Variants in RFX7 observed in about 807,000 individuals in gnomAD.
RFX7 encodes the protein regulatory factor X7.
A neutral mutation model predicts 111.8 loss-of-function variants in RFX7; 26 were observed. The observed-to-expected ratio is 0.23, with a 90% CI of 0.17 to 0.32. RFX7 has a LOEUF of 0.32. RFX7 is among the 10% of genes least tolerant of loss of function. RFX7 has a pLI of 1.00. For synonymous variants in RFX7, 624 were observed against 624.4 expected (o/e 1.00, Z 0.01); for missense variants, 1,573 against 1,772.9 (o/e 0.89, Z 2.02).
At chr15:56,110,439 C>T (rs2041909933) in intron 5 of RFX7, among the ~76,000 whole-genome samples, 1 of 135,748 alleles carries the variant, frequency 7.4e-6, no homozygotes, top group Admixed American at 7.2e-5. Context: ...CCCGCCCGGC[C>T]AGCCGCCCCA....
At chr15:56,186,826 T>A (rs1308161061) in intron 2 of RFX7, among the ~76,000 whole-genome samples, 21 of 152,176 alleles carry the variant, frequency 1.4e-4, no homozygotes, top group African/African-American at 4.8e-4. Context: ...TTTCCCATAT[T>A]CTCTCCTGTA....
chr15:56,093,934 A>C lies in RFX7; in HGVS notation c.3794T>G (p.Val1265Gly). ...CAGGTTGTTCATTCCCAAACCTCTCACTGCATCATCATTGTCGGAATCAAG... is the reference window on the plus strand; with the variant it reads ...CAGGTTGTTCATTCCCAAACCTCTCCCTGCATCATCATTGTCGGAATCAAG... ...SKLDSDNDDA[V>G]RGLGMNNLPS... Residue 1265 changes from valine (V) to glycine (G), a missense_variant, in exon 10 of 10, where the codon GTG (valine) becomes GGG (glycine). Physicochemically the swap from Val to Gly is moderately radical, Grantham distance 109. Transcript: ENST00000559447. The C allele has an allele frequency of 6.2e-7, 1 of 1,614,016 alleles. No homozygotes were observed.
At chr15:56,162,625 G>A (rs2042734086) in intron 3 of RFX7, among the ~76,000 whole-genome samples, 2 of 149,800 alleles carry the variant, frequency 1.3e-5, no homozygotes, top group South Asian at 4.3e-4. Context: ...TAGTCCACTC[G>A]AGTCCCTAAC....
At chr15:56,121,307 A>G (rs1189272961) in intron 5 of RFX7, among the ~76,000 whole-genome samples, 1 of 151,980 alleles carries the variant, frequency 6.6e-6, no homozygotes, top group African/African-American at 2.4e-5. Context: ...ATGTCATGTC[A>G]CTCTCTCCTG....
chr15:56,114,547 G>GT (rs1236160793), intron 5 of RFX7, among the ~76,000 whole-genome samples: 1 of 150,126 alleles, frequency 6.7e-6, no homozygotes. Context: ...AACAATGATA[G>GT]TAGTACTAGT....
chr15:56,096,213 T>C lies in RFX7; in HGVS notation c.1515A>G (p.Ser505=). 1.2e-6 allele frequency: 2 copies of C among 1,613,972 alleles called. No homozygotes were observed. The highest frequency in any genetic ancestry group is 1.7e-6 in the Non-Finnish European group (2 of 1,179,862). The change falls in exon 10 of 10, where the codon TCA becomes TCG. Residue 505 remains serine, a synonymous_variant. Coordinates refer to ENST00000559447, the MANE Select transcript of RFX7 (RefSeq NM_022841.7). ...CATTCTTGATCTGTGGAACACTCCT[T>C]GATTCTTCTGTTGTTCCTGTAGCAC... ...VSSATGTTEE[S]RSVPQIKNGS...
At chr15:56,137,893 A>C (rs1324110644) in intron 5 of RFX7, among the ~76,000 whole-genome samples, 7 of 152,110 alleles carry the variant, frequency 4.6e-5, no homozygotes, top group Admixed American at 2.6e-4. Context: ...ATTCAGGAGC[A>C]GGTTGTTCAG....
At chr15:56,243,971 A>C (rs866915625), upstream of RFX7, 4 of 149,694 alleles carry the variant, frequency 2.7e-5, no homozygotes, top group Middle Eastern at 6.8e-3. Flanking sequence ...ACGGGCCGGG[A>C]TGGGGGCGCA....
chr15:56,225,296 C>G (rs921777868), intron 2 of RFX7, among the ~76,000 whole-genome samples: 7 of 152,142 alleles, frequency 4.6e-5, no homozygotes, highest in Non-Finnish European at 1.0e-4. Flanking sequence ...CACTGTACAA[C>G]TGACATCCCA....
rs547178853 is a variant in RFX7, at chr15:56,226,237, A to C, written c.161+16888T>G. Among the ~76,000 whole-genome samples the C allele has an allele frequency of 1.8e-3, 267 of 152,280 alleles. 2 individuals are homozygous for C. Among genetic ancestry groups the C allele is most frequent in the African/African-American group, 5.4e-3 (224 of 41,572 alleles). On this transcript the variant is annotated intron_variant, in intron 2 of 9. Transcript: ENST00000559447. ...AATGTAATCCATATTTATTAAACACAAGCTTTAAAGGAGATGTAATAATAC... is the reference window on the plus strand; with the variant it reads ...AATGTAATCCATATTTATTAAACACCAGCTTTAAAGGAGATGTAATAATAC...
chr15:56,192,083 G>C (rs2043105838), intron 2 of RFX7, among the ~76,000 whole-genome samples: 1 of 152,138 alleles, frequency 6.6e-6, no homozygotes, highest in African/African-American at 2.4e-5. Flanking sequence ...GACAGCATTT[G>C]TTCCAAAGCA....
Position 56,101,281 on chromosome 15 carries a change from C to G in RFX7, c.811+78G>C, listed in dbSNP as rs1326868359. On this transcript the variant is annotated intron_variant, in intron 8 of 9. Coordinates refer to ENST00000559447, the MANE Select transcript of RFX7 (RefSeq NM_022841.7). ...TACTAAAAGGATGAAGTTCTTTGAT[C>G]TAACTCTTCTTTTGCTACCAATTCT... 3 of 1,218,448 alleles carry G rather than the reference C, an allele frequency of 2.5e-6. No individual in the cohort carries two copies. In the Admixed American group the frequency reaches 6.1e-5, roughly 25 times the overall value. 75.5% of individuals were successfully genotyped at this position (1,218,448 alleles called of 1,614,324 possible). A position where few individuals can be genotyped will look rare whatever the true frequency, so the allele number is the denominator to read the frequency against.
At chr15:56,183,025 T>A (rs1319712823) in intron 2 of RFX7, among the ~76,000 whole-genome samples, 1 of 152,124 alleles carries the variant, frequency 6.6e-6, no homozygotes, top group African/African-American at 2.4e-5. Context: ...AGGTAATACA[T>A]ATATACTAAA....
rs1431101158 is a variant in RFX7, at chr15:56,138,596, G to C, written c.401+4182C>G. 2.6e-5 allele frequency among the ~76,000 whole-genome samples: 4 copies of C among 151,770 alleles called. No homozygotes were observed. The East Asian group carries it at 5.8e-4, about 22-fold the overall frequency. On this transcript the variant is annotated intron_variant, in intron 5 of 9. Transcript: ENST00000559447. ...TTTGCCAGTCTGTGTCTTTTAATTG[G>C]AGCATTTAGCCCATTTACATTTAAA...
chr15:56,103,507 A>G, intron 6 of RFX7, 47 bp downstream of exon 6: 1 of 1,191,370 alleles, frequency 8.4e-7, no homozygotes, highest in Non-Finnish European at 1.2e-6. Context: ...GTTCTATAAC[A>G]AGTGAGAACA....
intron 2 of RFX7, among the ~76,000 whole-genome samples, chr15:56,203,090 G>A (rs2043210540): frequency 6.6e-6 from 1 of 152,072 alleles, no homozygotes; most frequent in South Asian, 2.1e-4. Context: ...AAGAATCACA[G>A]GCACAGATCA....
At chr15:56,168,004 T>C (rs2042802906) in intron 3 of RFX7, among the ~76,000 whole-genome samples, 1 of 152,236 alleles carries the variant, frequency 6.6e-6, no homozygotes, top group Non-Finnish European at 1.5e-5. Flanking sequence ...ATTTTCTTGA[T>C]TATAAGCTCA....
chr15:56,181,352 CA>C (rs1417994805), intron 2 of RFX7, among the ~76,000 whole-genome samples: 1 of 152,168 alleles, frequency 6.6e-6, no homozygotes, highest in Non-Finnish European at 1.5e-5. Flanking sequence ...CTGACTTCCC[CA>C]TATAAAATAC....
At chr15:56,107,282 G>C (rs2041841994) in intron 5 of RFX7, among the ~76,000 whole-genome samples, 1 of 96,162 alleles carries the variant, frequency 1.0e-5, no homozygotes, top group Non-Finnish European at 1.8e-5. Flanking sequence ...GGGCAGTAGA[G>C]CAAGACTCCG....
Sources: gnomAD v4.1 joint callset for allele counts (sites outside exome capture counted in the v4.1 genomes callset) on GRCh38, gnomAD v4.1.1 for gene constraint, MANE v1.5 for transcripts, NCBI Gene and HGNC (gene_info 2026-07-23, HGNC 2026-07-21) for gene names.